Variants in FRMD3 observed in about 807,000 individuals in gnomAD.
The protein encoded by FRMD3 is FERM domain containing 3, also known as FERM domain-containing protein 3.
In FRMD3, 33 loss-of-function variants were observed where a neutral mutation model predicts 70.2. That is an observed-to-expected ratio of 0.47 (90% CI 0.36 to 0.63). FRMD3 has a LOEUF of 0.63. FRMD3 is among the 20% of genes least tolerant of loss of function. The probability of loss-of-function intolerance (pLI) is 0.00; values close to 1 mark genes in which losing one functional copy is unlikely to be tolerated. For synonymous variants in FRMD3, 279 were observed against 255.9 expected (o/e 1.09, Z -0.86); for missense variants, 632 against 711.4 (o/e 0.89, Z 1.27).
At chr9:83,442,909 AC>A (rs1827344928) in intron 1 of FRMD3, among the ~76,000 whole-genome samples, 1 of 152,232 alleles carries the variant, frequency 6.6e-6, no homozygotes, top group Non-Finnish European at 1.5e-5. Flanking sequence ...GACTTCTGCA[AC>A]ATGTCTTATG....
At chr9:83,353,954 G>A (rs914344108) in intron 3 of FRMD3, among the ~76,000 whole-genome samples, 3 of 151,940 alleles carry the variant, frequency 2.0e-5, no homozygotes, top group African/African-American at 7.3e-5. Flanking sequence ...ACAGAGTTTG[G>A]CTCTTGTTGC....
chr9:83,368,769 G>A (rs573357914), intron 3 of FRMD3, among the ~76,000 whole-genome samples: 6 of 152,280 alleles, frequency 3.9e-5, no homozygotes, highest in Non-Finnish European at 7.3e-5. Context: ...TGTGTCATTA[G>A]ATTTAAATGG....
At chr9:83,262,984 A>G (rs1045521021) in intron 13 of FRMD3, among the ~76,000 whole-genome samples, 5 of 152,280 alleles carry the variant, frequency 3.3e-5, no homozygotes, top group African/African-American at 9.6e-5. Context: ...ATAAAAATCA[A>G]AGGGGAAGAG....
At chr9:83,272,635 G>A (rs569899122) in intron 13 of FRMD3, among the ~76,000 whole-genome samples, 15 of 98,418 alleles carry the variant, frequency 1.5e-4, no homozygotes, top group Admixed American at 5.8e-4. Context: ...GCCTCTGCCC[G>A]GCTGCCCAGT....
At chr9:83,562,512 C>T in the FRMD3 span, among the ~76,000 whole-genome samples, 1 of 152,158 alleles carries the variant, frequency 6.6e-6, no homozygotes, top group Non-Finnish European at 1.5e-5. Flanking sequence ...CATTCAAAAG[C>T]TATGCCCAAG....
the FRMD3 span, among the ~76,000 whole-genome samples, chr9:83,563,183 G>A: frequency 0.062 from 9,396 of 152,162 alleles, 414 homozygotes; most frequent in East Asian, 0.088. Context: ...GGCTTCCCAA[G>A]TTGTTTTCTT....
the FRMD3 span, among the ~76,000 whole-genome samples, chr9:83,577,575 TG>T: frequency 6.6e-6 from 1 of 152,002 alleles, no homozygotes; most frequent in Non-Finnish European, 1.5e-5. Context: ...TAGACCTAAA[TG>T]CAAAAGTTAA....
chr9:83,291,440 A>T (rs1372119845), intron 12 of FRMD3, among the ~76,000 whole-genome samples: 1 of 152,110 alleles, frequency 6.6e-6, no homozygotes, highest in Non-Finnish European at 1.5e-5. Flanking sequence ...CTGCAGGTGG[A>T]TGTTTGCACA....
chr9:83,317,912 T>C (rs536508710), intron 6 of FRMD3, among the ~76,000 whole-genome samples: 5 of 152,270 alleles, frequency 3.3e-5, no homozygotes, highest in African/African-American at 7.2e-5. Context: ...GACACCTATC[T>C]GGAATATTTT....
chr9:83,527,723 A>G (rs1829714637), intron 1 of FRMD3, among the ~76,000 whole-genome samples: 1 of 152,096 alleles, frequency 6.6e-6, no homozygotes, highest in Non-Finnish European at 1.5e-5. Flanking sequence ...AAGCACTTAC[A>G]CACTTCTCCC....
chr9:83,471,494 G>C (rs1828267337), intron 1 of FRMD3, among the ~76,000 whole-genome samples: 2 of 152,144 alleles, frequency 1.3e-5, no homozygotes, highest in South Asian at 4.1e-4. Context: ...AGGTCAGTGA[G>C]GGTGGGTGGG....
intron 13 of FRMD3, among the ~76,000 whole-genome samples, chr9:83,269,440 T>G (rs1319957696): frequency 6.6e-6 from 1 of 152,170 alleles, no homozygotes; most frequent in African/African-American, 2.4e-5. Flanking sequence ...TTCCTACCTT[T>G]CATTTTAAAA....
intron 13 of FRMD3, among the ~76,000 whole-genome samples, chr9:83,257,089 C>G (rs1432745755): frequency 6.6e-6 from 1 of 152,088 alleles, no homozygotes; most frequent in Non-Finnish European, 1.5e-5. Flanking sequence ...CACTGCAGCA[C>G]CATTCATAAT....
rs10120490 is a variant in FRMD3, at chr9:83,338,896, T to G, written c.473-3257A>C. The stretch of plus-strand genomic sequence containing the variant: ...AGAAATACACGTAACATGTCCACCT[T>G]TACACACATACACGCTTGTGCCCCT... On this transcript the variant is annotated intron_variant, in intron 5 of 13. Transcript: ENST00000304195. Among the ~76,000 whole-genome samples the G allele has an allele frequency of 6.9e-3, 1,046 of 152,268 alleles. 8 individuals are homozygous for G. Among genetic ancestry groups the G allele is most frequent in the African/African-American group, 0.024 (992 of 41,540 alleles).
the FRMD3 span, among the ~76,000 whole-genome samples, chr9:83,576,261 T>C: frequency 6.6e-6 from 1 of 151,896 alleles, no homozygotes; most frequent in Non-Finnish European, 1.5e-5. Context: ...GTTAATGTAA[T>C]ATACCACATC....
chr9:83,273,146 T>C (rs1204261614), intron 13 of FRMD3, among the ~76,000 whole-genome samples: 2 of 152,178 alleles, frequency 1.3e-5, no homozygotes, highest in Non-Finnish European at 2.9e-5. Context: ...CAACAGCTCA[T>C]TGAGAACGGG....
upstream of FRMD3, among the ~76,000 whole-genome samples, chr9:83,540,381 C>A (rs1352641603): frequency 1.3e-5 from 2 of 152,090 alleles, no homozygotes; most frequent in African/African-American, 2.4e-5. Context: ...TCCAAGGAAG[C>A]AAAATAAGAC....
chr9:83,387,959 G>GT (rs1428560822), intron 2 of FRMD3, among the ~76,000 whole-genome samples: 6 of 152,142 alleles, frequency 3.9e-5, no homozygotes, highest in Admixed American at 6.5e-5. Context: ...CTGGGAACCA[G>GT]TGTTACTCAG....
In FRMD3 at chr9:83,507,736, A is replaced by ATCTATC. The variant is rs1334522690; in HGVS notation, c.147+30348_147+30349insGATAGA. Among the ~76,000 whole-genome samples, 691 of 88,670 alleles carry ATCTATC rather than the reference A, an allele frequency of 7.8e-3. 53 individuals are homozygous for ATCTATC. The highest frequency in any genetic ancestry group is 0.016 in the South Asian group (38 of 2,360). 58.2% of individuals were successfully genotyped at this position (88,670 alleles called of 152,430 possible). Reference sequence around the variant, plus strand: ...TATATATATATATATATATATATATATATCTTCTGGAATATTTCCTGAAGG... The same window carrying ATCTATC: ...TATATATATATATATATATATATATATCTATCTATCTTCTGGAATATTTCCTGAAGG... On this transcript the variant is annotated intron_variant, in intron 1 of 13. Coordinates refer to ENST00000304195, the MANE Select transcript of FRMD3 (RefSeq NM_174938.6).
Sources: gnomAD v4.1 joint callset for allele counts (sites outside exome capture counted in the v4.1 genomes callset) on GRCh38, gnomAD v4.1.1 for gene constraint, MANE v1.5 for transcripts, NCBI Gene and HGNC (gene_info 2026-07-23, HGNC 2026-07-21) for gene names.